The following KMT2A variants were observed in gnomAD, a reference collection of about 807,000 sequenced individuals.
KMT2A encodes the protein histone-lysine N-methyltransferase 2A.
KMT2A carries 16 observed loss-of-function variants against 345.3 expected under a neutral mutation model. The observed-to-expected ratio is 0.05, with a 90% CI of 0.03 to 0.07. KMT2A has a LOEUF of 0.07. Among genes scored for constraint, KMT2A ranks in the 10% least tolerant of loss-of-function variants. The probability of loss-of-function intolerance (pLI) is 1.00; values close to 1 mark genes in which losing one functional copy is unlikely to be tolerated. For missense variants in KMT2A, 3,272 were observed against 4,841.6 expected, an observed-to-expected ratio of 0.68 and a Z score of 9.62; for synonymous variants, 1,599 against 1,778.6, an observed-to-expected ratio of 0.90 and a Z score of 2.54.
chr11:118,485,455 G>A (rs1372092086), intron 10 of KMT2A, among the ~76,000 whole-genome samples: 2 of 151,720 alleles, frequency 1.3e-5, no homozygotes, highest in African/African-American at 2.4e-5. Flanking sequence ...GTGAAGGGAG[G>A]GTGTCTGTTT....
chr11:118,503,989 A>G lies in KMT2A; in HGVS notation c.8097A>G (p.Arg2699=). ...RTVISSGGEE[R]LASHNLFREE... ...TGATTTCTTCAGGTGGAGAGGAACG[A>G]CTGGCATCCCATAATTTATTTCGGG... Residue 2699 remains arginine, a synonymous_variant, in exon 27 of 36, where the codon CGA becomes CGG. Coordinates refer to ENST00000534358, the MANE Select transcript of KMT2A (RefSeq NM_001197104.2). This position sits in a 1 kb window ranked among gnomAD's most constrained non-coding sequence, Gnocchi z 5.3. 1 of 1,614,216 alleles carries G rather than the reference A, an allele frequency of 6.2e-7. No individual in the cohort carries two copies. The highest frequency in any genetic ancestry group is 8.5e-7 in the Non-Finnish European group (1 of 1,180,038).
Position 118,502,550 on chromosome 11 carries a change from A to C in KMT2A, c.6658A>C (p.Asn2220His), listed in dbSNP as rs1279313416. 6.2e-7 allele frequency: 1 copy of C among 1,613,988 alleles called. No individual in the cohort carries two copies. The highest frequency in any genetic ancestry group is 1.3e-5 in the African/African-American group (1 of 74,886). ...LRIMSPMRTGNTYSRNNVSSV... is the reference protein window; with the variant it reads ...LRIMSPMRTGHTYSRNNVSSV... ...GATAATGTCTCCAATGAGAACTGGG[A>C]ATACTTACTCTAGGAATAATGTTTC... The change falls in exon 27 of 36, where the codon AAT becomes CAT. Residue 2220 changes from asparagine to histidine, a missense_variant. Coordinates refer to ENST00000534358, the MANE Select transcript of KMT2A (RefSeq NM_001197104.2). The surrounding 1 kb of genome is among the most constrained non-coding windows in gnomAD (Gnocchi z 4.9).
chr11:118,437,840 C>T (rs562292744), intron 1 of KMT2A, among the ~76,000 whole-genome samples: 1 of 152,158 alleles, frequency 6.6e-6, no homozygotes, highest in South Asian at 2.1e-4. Flanking sequence ...AGCAGCTTTC[C>T]ACCACTCCCC....
At chr11:118,468,893 G>T in intron 2 of KMT2A, 49 bp downstream of exon 2, 1 of 1,466,870 alleles carries the variant, frequency 6.8e-7, no homozygotes, top group Non-Finnish European at 9.6e-7. Context: ...TTTGTTAGGA[G>T]ATTGTGGCTT....
At position 118,498,550 on chromosome 11, in the gene KMT2A, T is replaced by TAAAAAA; in HGVS notation, c.5961+32_5961+37dup. On this transcript the variant is annotated intron_variant, in intron 22 of 35. Coordinates refer to ENST00000534358, the MANE Select transcript of KMT2A (RefSeq NM_001197104.2). This position sits in a 1 kb window ranked among gnomAD's most constrained non-coding sequence, Gnocchi z 4.4. ...CGAAGTGAGAGAGCTTTAGTTGCTTTAAAAAAAAAAAAAAAGACTTTTTTA... is the reference window on the plus strand; with the variant it reads ...CGAAGTGAGAGAGCTTTAGTTGCTTTAAAAAAAAAAAAAAAAAAAAAGACTTTTTTA... 6.9e-7 allele frequency: 1 copy of TAAAAAA among 1,441,358 alleles called. No individual in the cohort carries two copies. The highest frequency in any genetic ancestry group is 9.3e-7 in the Non-Finnish European group (1 of 1,072,546). 89.3% of individuals were successfully genotyped at this position (1,441,358 alleles called of 1,614,324 possible). A position where few individuals can be genotyped will look rare whatever the true frequency, so the allele number is the denominator to read the frequency against.
At chr11:118,474,389 T>G (rs1175485216) in intron 3 of KMT2A, 74 bp downstream of exon 3, 9 of 1,514,642 alleles carry the variant, frequency 5.9e-6, no homozygotes, top group Admixed American at 4.3e-5. Flanking sequence ...TTAGGCTAAG[T>G]GGTTCAATTA....
chr11:118,488,559 A>C (rs1950270733), intron 10 of KMT2A, 55 bp from the exon 11 acceptor site: 1 of 1,583,660 alleles, frequency 6.3e-7, no homozygotes, highest in African/African-American at 1.3e-5. Context: ...ATGGTTGATT[A>C]TGTTTTTCTA....
chr11:118,474,385 T>C, intron 3 of KMT2A, 70 bp downstream of exon 3: 3 of 1,523,840 alleles, frequency 2.0e-6, no homozygotes, highest in Non-Finnish European at 2.6e-6. Context: ...AGTTTTAGGC[T>C]AAGTGGTTCA....
Position 118,498,207 on chromosome 11 carries a change from C to T in KMT2A, c.5802+134C>T. The T allele has an allele frequency of 8.8e-7, 1 of 1,141,676 alleles. No individual in the cohort carries two copies. The highest frequency in any genetic ancestry group is 1.3e-6 in the Non-Finnish European group (1 of 793,914). 70.7% of individuals were successfully genotyped at this position (1,141,676 alleles called of 1,614,324 possible). A position where few individuals can be genotyped will look rare whatever the true frequency, so the allele number is the denominator to read the frequency against. ...TAGTTAGCCAACAAGTATTGATATA[C>T]ATAATTCAACAGATAAAATGATAAA... On this transcript the variant is annotated intron_variant, in intron 21 of 35. Transcript: ENST00000534358. This position sits in a 1 kb window ranked among gnomAD's most constrained non-coding sequence, Gnocchi z 4.4.
In KMT2A at chr11:118,509,143, G is replaced by C. The variant is rs1950639975; in HGVS notation, c.10843G>C (p.Ala3615Pro). Residue 3615 changes from alanine (A) to proline (P), a missense_variant, in exon 29 of 36, where the codon GCT (alanine) becomes CCT (proline). Around this residue, in one of 27 missense-constraint regions of KMT2A, gnomAD observed 748 missense variants for 922.2 expected, o/e 0.81. Transcript: ENST00000534358. ...CATTTGGTTTTTATTTAGGCAAGTC[G>C]CTGTTCTTCCGGAAGTTCAGGTGAC... ...KECGQPAGQV[A>P]VLPEVQVTQN... is the part of the protein sequence containing the mutation. 6.2e-7 allele frequency: 1 copy of C among 1,613,532 alleles called. No homozygotes were observed. Among genetic ancestry groups the C allele is most frequent in the Non-Finnish European group, 8.5e-7 (1 of 1,179,616 alleles).
Position 118,498,260 on chromosome 11 carries a change from A to T in KMT2A, c.5803-110A>T, listed in dbSNP as rs1279135835. 37 of 1,214,010 alleles carry T rather than the reference A, an allele frequency of 3.0e-5. No individual in the cohort carries two copies. The East Asian group carries it at 7.9e-4, about 26-fold the overall frequency. 75.2% of individuals were successfully genotyped at this position (1,214,010 alleles called of 1,614,324 possible). A position where few individuals can be genotyped will look rare whatever the true frequency, so the allele number is the denominator to read the frequency against. On this transcript the variant is annotated intron_variant, in intron 21 of 35. Transcript: ENST00000534358. This position sits in a 1 kb window ranked among gnomAD's most constrained non-coding sequence, Gnocchi z 4.4. Reference sequence around the variant, plus strand: ...TTATCTGTTTTCAATTTATCAATAGATAAAATGAATTGTAGGAACTGTAGA... The same window carrying T: ...TTATCTGTTTTCAATTTATCAATAGTTAAAATGAATTGTAGGAACTGTAGA...
Position 118,488,765 on chromosome 11 carries a change from A to T in KMT2A, c.4479+5A>T. The T allele has an allele frequency of 6.2e-7, 1 of 1,613,924 alleles. No homozygotes were observed. Among genetic ancestry groups the T allele is most frequent in the Non-Finnish European group, 8.5e-7 (1 of 1,179,930 alleles). On this transcript the variant is annotated splice_donor_5th_base_variant and intron_variant, in intron 11 of 35. Coordinates refer to ENST00000534358, the MANE Select transcript of KMT2A (RefSeq NM_001197104.2). The stretch of plus-strand genomic sequence containing the variant: ...AGGCAACATCAGGCTACAAAGGTAC[A>T]AAACTTGGTAATAGAACTACAGCTG...
At chr11:118,441,974 G>C (rs1949323500) in intron 1 of KMT2A, among the ~76,000 whole-genome samples, 1 of 152,294 alleles carries the variant, frequency 6.6e-6, no homozygotes, top group African/African-American at 2.4e-5. Context: ...GTGGCTAGAG[G>C]GGGTGGCAAC....
intron 1 of KMT2A, among the ~76,000 whole-genome samples, chr11:118,455,247 T>C (rs974223989): frequency 1.3e-5 from 2 of 152,166 alleles, no homozygotes; most frequent in Admixed American, 6.5e-5. Flanking sequence ...CATTAGATTG[T>C]AGCTTCATGG....
rs569463074 is a variant in KMT2A at position 118,502,585 on chromosome 11, C to T, written c.6693C>T (p.Ser2231=). The T allele has an allele frequency of 2.5e-4, 409 of 1,614,058 alleles. 9 individuals are homozygous for T. The South Asian group carries it at 4.3e-3, about 17-fold the overall frequency. The change falls in exon 27 of 36, where the codon TCC becomes TCT. Residue 2231 remains serine (S), a synonymous_variant. Transcript: ENST00000534358. This position sits in a 1 kb window ranked among gnomAD's most constrained non-coding sequence, Gnocchi z 4.9. ...CTAGGAATAATGTTTCCTCAGTCTC[C>T]ACCACCGGGACCGCTACTGATCTTG... is the stretch of plus-strand genomic sequence containing the variant. ...TYSRNNVSSV[S]TTGTATDLES...
Position 118,472,408 on chromosome 11 carries a change from A to G in KMT2A, c.1249A>G (p.Ile417Val). 6.2e-7 allele frequency: 1 copy of G among 1,614,078 alleles called. No homozygotes were observed. The highest frequency in any genetic ancestry group is 8.5e-7 in the Non-Finnish European group (1 of 1,180,016). Residue 417 changes from isoleucine to valine, a missense_variant, in exon 3 of 36, where the codon ATC becomes GTC. Transcript: ENST00000534358. ...RQFIMPVVSA[I>V]SSRIIKTPRR... is the part of the protein sequence containing the mutation. ...GTTCATCATGCCTGTTGTCAGTGCT[A>G]TCTCCTCGCGGATCATTAAGACCCC...
At chr11:118,447,763 A>C (rs1041641471) in intron 1 of KMT2A, 1 of 324,256 alleles carries the variant, frequency 3.1e-6, no homozygotes, top group African/African-American at 2.2e-5. Flanking sequence ...ATAACTCTTC[A>C]AAAAACATGA....
At chr11:118,446,979 G>T (rs1949434618) in intron 1 of KMT2A, among the ~76,000 whole-genome samples, 1 of 152,174 alleles carries the variant, frequency 6.6e-6, no homozygotes, top group South Asian at 2.1e-4. Flanking sequence ...TTGTTTATCT[G>T]CCTTTGTACC....
Position 118,472,134 on chromosome 11 carries a change from A to G in KMT2A, c.975A>G (p.Glu325=). 6.2e-7 allele frequency: 1 copy of G among 1,614,050 alleles called. No individual in the cohort carries two copies. The highest frequency in any genetic ancestry group is 8.5e-7 in the Non-Finnish European group (1 of 1,180,034). The change falls in exon 3 of 36, where the codon GAA becomes GAG. Residue 325 remains glutamate, a synonymous_variant. Transcript: ENST00000534358. ...GTCTCCTCATTAATTCTGAACTGGA[A>G]AAGCCCCAGAAAGTCCGGAAAGACA... ...PSGLLINSEL[E]KPQKVRKDKE... is the part of the protein sequence containing the mutation.
Sources: gnomAD v4.1 joint callset for allele counts (sites outside exome capture counted in the v4.1 genomes callset) on GRCh38, gnomAD v4.1.1 for gene constraint, gnomAD v4.1.1 regional missense constraint, Gnocchi (gnomAD v3.1) non-coding constraint, MANE v1.5 for transcripts, NCBI Gene and HGNC (gene_info 2026-07-23, HGNC 2026-07-21) for gene names.